GNL3: variants seen among roughly 807,000 people sequenced by gnomAD.
GNL3 encodes guanine nucleotide-binding protein-like 3.
In GNL3, 77 loss-of-function variants were observed where a neutral mutation model predicts 70.6. The ratio of observed to expected loss-of-function variants is 1.09; its 90% CI spans 0.91 to 1.32. The LOEUF (loss-of-function observed/expected upper bound fraction) is 1.32. Ranked by LOEUF, GNL3 falls within the 40% of genes most tolerant of loss-of-function variation. GNL3 has a pLI of 0.00. For missense variants in GNL3, 634 were observed against 644.0 expected (o/e 0.98, Z 0.17); for synonymous variants, 252 against 216.1 (o/e 1.17, Z -1.46).
At chr3:52,686,262 TG>T in intron 1 of GNL3, 157 bp downstream of exon 1, 1 of 741,852 alleles carries the variant, frequency 1.3e-6, no homozygotes, top group Non-Finnish European at 2.3e-6. Flanking sequence ...AACCGAGAGT[TG>T]GAAGTCCCTA....
chr3:52,686,707 A>ATAT, intron 1 of GNL3, 62 bp from the exon 2 acceptor site: 1 of 1,233,200 alleles, frequency 8.1e-7, no homozygotes, highest in Non-Finnish European at 1.2e-6. Context: ...ATATAACTCC[A>ATAT]TAGTGCGTTA....
rs1395466959 is a variant in GNL3, at chr3:52,694,359, G to A, written c.*84G>A. ...TCTCTGTATAAGTTATGGTATGCAT[G>A]AGCTGTGTAAATTTTGTGAATATGT... On this transcript the variant is annotated 3_prime_UTR_variant, in exon 15 of 15. Transcript: ENST00000418458. The A allele has an allele frequency of 1.4e-5, 10 of 729,392 alleles. No homozygotes were observed. Among genetic ancestry groups the A allele is most frequent in the African/African-American group, 1.8e-5 (1 of 56,144 alleles). 45.2% of individuals were successfully genotyped at this position (729,392 alleles called of 1,614,324 possible). A position where few individuals can be genotyped will look rare whatever the true frequency, so the allele number is the denominator to read the frequency against.
At position 52,693,795 on chromosome 3, in the gene GNL3, T is replaced by A; in HGVS notation, c.1488T>A (p.Asp496Glu). The stretch of plus-strand genomic sequence containing the variant: ...AAGACAGTGACCAGGAAACTGTTGA[T>A]GAAGAAGTTGATGTAAGTGTGTCCT... Reference protein sequence around the residue: ...DDKDSDQETVDEEVDENSSGM... With the variant: ...DDKDSDQETVEEEVDENSSGM... The change falls in exon 13 of 15, where the codon GAT becomes GAA. Residue 496 changes from aspartate (D) to glutamate (E), a missense_variant. Physicochemically the swap from Asp to Glu is conservative, Grantham distance 45. Transcript: ENST00000418458. 1 of 1,613,414 alleles carries A rather than the reference T, an allele frequency of 6.2e-7. No homozygotes were observed.
chr3:52,687,135 T>A (rs2097317287), intron 2 of GNL3, 111 bp from the exon 3 acceptor site: 5 of 872,718 alleles, frequency 5.7e-6, no homozygotes. Context: ...TCCATTTTCC[T>A]AGGACATTTT....
Position 52,687,555 on chromosome 3 carries a change from GA to G in GNL3, c.268del (p.Arg90GlufsTer48). The G allele has an allele frequency of 6.2e-7, 1 of 1,613,756 alleles. No homozygotes were observed. The highest frequency in any genetic ancestry group is 8.5e-7 in the Non-Finnish European group (1 of 1,179,664). On this transcript the variant is annotated frameshift_variant, in exon 4 of 15. Coordinates refer to ENST00000418458, the MANE Select transcript of GNL3 (RefSeq NM_014366.5). LOFTEE classifies it high-confidence loss of function. The stretch of plus-strand genomic sequence containing the variant: ...TTGACAGGCAGAAGGAACTAGAAAA[GA>G]AAAGAAAACTTGAAACTAATCCTGA... ...KLDRQKELEK[K>X]RKLETNPDIK... is the part of the protein sequence containing the mutation.
In GNL3 at chr3:52,693,095, A is replaced by G. The variant is rs769064592; in HGVS notation, c.1044+49A>G. ...CTCCTTGGAGCCATCTTCTTTCATC[A>G]TAAGCATTTTGAGTAGAAAAATCTT... On this transcript the variant is annotated intron_variant, in intron 10 of 14. Transcript: ENST00000418458. 3.1e-6 allele frequency: 5 copies of G among 1,604,206 alleles called. No homozygotes were observed. The South Asian group carries it at 3.3e-5, about 11-fold the overall frequency.
At chr3:52,686,376 G>C (rs2097311442) in intron 1 of GNL3, 1 of 587,314 alleles carries the variant, frequency 1.7e-6, no homozygotes, top group Non-Finnish European at 3.0e-6. Context: ...GTCTGAGCCA[G>C]GTTTGAGGCC....
At chr3:52,686,951 C>G (rs2097316050) in intron 2 of GNL3, 124 bp downstream of exon 2, 1 of 702,258 alleles carries the variant, frequency 1.4e-6, no homozygotes, top group African/African-American at 1.8e-5. Flanking sequence ...ATAGACTGAC[C>G]ATGGGCACAA....
chr3:52,686,880 G>C, intron 2 of GNL3, 53 bp downstream of exon 2: 1 of 1,354,444 alleles, frequency 7.4e-7, no homozygotes, highest in Non-Finnish European at 1.1e-6. Context: ...AACTGATTTT[G>C]CCCTGTTCCT....
chr3:52,687,630 CTT>C lies in GNL3; in HGVS notation c.324+17_324+18del, dbSNP rs758090017. On this transcript the variant is annotated intron_variant, in intron 4 of 14. Coordinates refer to ENST00000418458, the MANE Select transcript of GNL3 (RefSeq NM_014366.5). ...CTATGGAAAAGGTATGATTAGGTCT[CTT>C]TATGAATGAGAGATCAGGGGTTTTG... 37 of 1,458,092 alleles carry C rather than the reference CTT, an allele frequency of 2.5e-5. No homozygotes were observed. Among genetic ancestry groups the C allele is most frequent in the Non-Finnish European group, 1.9e-5 (20 of 1,040,468 alleles). 90.3% of individuals were successfully genotyped at this position (1,458,092 alleles called of 1,614,324 possible). A position where few individuals can be genotyped will look rare whatever the true frequency, so the allele number is the denominator to read the frequency against.
At position 52,687,421 on chromosome 3, in the gene GNL3, AGTG is replaced by A. The variant is rs1351455752; in HGVS notation, c.210+39_210+41del. 4 of 1,608,602 alleles carry A rather than the reference AGTG, an allele frequency of 2.5e-6. No individual in the cohort carries two copies. In the Admixed American group the frequency reaches 6.7e-5, roughly 27 times the overall value. ...AGCCAGAATTTTCATTGAGTGGTGTAGTGTGTTATGTGTGATATTTTTCAGAGT... is the reference window on the plus strand; with the variant it reads ...AGCCAGAATTTTCATTGAGTGGTGTATGTTATGTGTGATATTTTTCAGAGT... On this transcript the variant is annotated intron_variant, in intron 3 of 14. Transcript: ENST00000418458.
At chr3:52,691,207 C>T (rs2097326888) in intron 8 of GNL3, 136 bp downstream of exon 8, 3 of 734,966 alleles carry the variant, frequency 4.1e-6, no homozygotes, top group African/African-American at 3.5e-5. Context: ...TAGCTTCTTG[C>T]TTATACCTTA....
At chr3:52,692,561 C>T (rs912774808) in intron 9 of GNL3, among the ~76,000 whole-genome samples, 1 of 151,902 alleles carries the variant, frequency 6.6e-6, no homozygotes, top group Non-Finnish European at 1.5e-5. Context: ...AGGTGATCCA[C>T]CCACCTCGGC....
chr3:52,689,114 C>T lies in GNL3; in HGVS notation c.449C>T (p.Ala150Val), dbSNP rs1478337570. Residue 150 changes from alanine to valine, a missense_variant, in exon 6 of 15, where the codon GCC (alanine) becomes GTC (valine). Transcript: ENST00000418458. ...ASDVVLEVLD[A>V]RDPLGCRCPQ... ...GATGTTGTCCTAGAGGTGTTGGATG[C>T]CAGAGATCCTCTTGGTTGCAGATGT... 6.2e-7 allele frequency: 1 copy of T among 1,612,334 alleles called. No individual in the cohort carries two copies. Among genetic ancestry groups the T allele is most frequent in the Admixed American group, 1.7e-5 (1 of 60,018 alleles).
chr3:52,690,855 T>A, intron 7 of GNL3, 90 bp from the exon 8 acceptor site: 1 of 1,358,216 alleles, frequency 7.4e-7, no homozygotes, highest in Non-Finnish European at 1.0e-6. Flanking sequence ...GTAGTTATCT[T>A]AAGAGCTGGG....
At position 52,687,733 on chromosome 3, in the gene GNL3, A is replaced by G. The variant is rs894235395; in HGVS notation, c.324+118A>G. 2.9e-5 allele frequency: 19 copies of G among 652,882 alleles called. No individual in the cohort carries two copies. The African/African-American group carries it at 3.5e-4, about 12-fold the overall frequency. 40.4% of individuals were successfully genotyped at this position (652,882 alleles called of 1,614,324 possible). ...CTGCAACCTGGACCACCCAGGCTCA[A>G]GCAGTCTTACCACCTCAGTCTCCAA... On this transcript the variant is annotated intron_variant, in intron 4 of 14. Transcript: ENST00000418458.
At chr3:52,686,531 G>A (rs2154097348) in intron 1 of GNL3, 2 of 586,438 alleles carry the variant, frequency 3.4e-6, no homozygotes, top group East Asian at 5.7e-5. Context: ...ACGCTGTTGT[G>A]TATGATCCCA....
At chr3:52,686,160 G>A (rs2097309497) in intron 1 of GNL3, 55 bp downstream of exon 1, 3 of 1,579,378 alleles carry the variant, frequency 1.9e-6, no homozygotes, top group Non-Finnish European at 8.7e-7. Context: ...AGTTGCTGCA[G>A]CCACCACGAC....
In GNL3 at chr3:52,693,659, G is replaced by A; in HGVS notation, c.1352G>A (p.Ser451Asn). The A allele has an allele frequency of 6.2e-7, 1 of 1,614,170 alleles. No homozygotes were observed. The highest frequency in any genetic ancestry group is 8.5e-7 in the Non-Finnish European group (1 of 1,180,032). Residue 451 changes from serine to asparagine, a missense_variant, in exon 13 of 15, where the codon AGC becomes AAC. Ser to Asn is a conservative substitution (Grantham distance 46). Coordinates refer to ENST00000418458, the MANE Select transcript of GNL3 (RefSeq NM_014366.5). Reference protein sequence around the residue: ...RAIKGPHLANSILFQSSGLTN... With the variant: ...RAIKGPHLANNILFQSSGLTN... ...ATCAAGGGCCCTCATTTGGCCAATA[G>A]CATCCTTTTCCAGTCTTCCGGTCTG...
Sources: allele counts gnomAD v4.1 joint callset (sites outside exome capture counted in the v4.1 genomes callset), GRCh38; gene constraint gnomAD v4.1.1; transcripts MANE v1.5; gene names NCBI Gene and HGNC (gene_info 2026-07-23, HGNC 2026-07-21).